The following GALNT13 variants were observed in gnomAD, a reference collection of about 807,000 sequenced individuals.
GALNT13 encodes UDP-GalNAc:polypeptide N-acetylgalactosaminyltransferase 13.
GALNT13 carries 28 observed loss-of-function variants against 64.2 expected under a neutral mutation model. The ratio of observed to expected loss-of-function variants is 0.44; its 90% CI spans 0.32 to 0.60. The LOEUF (loss-of-function observed/expected upper bound fraction) is 0.60, where lower values mean the gene tolerates loss of function less well. Among genes scored for constraint, GALNT13 ranks in the 20% least tolerant of loss-of-function variants. GALNT13 has a pLI of 0.05. For missense variants in GALNT13, 577 were observed against 669.8 expected (o/e 0.86, Z 1.53); for synonymous variants, 214 against 224.6 (o/e 0.95, Z 0.42).
the GALNT13 span, among the ~76,000 whole-genome samples, chr2:153,413,500 T>C: frequency 5.3e-5 from 8 of 152,196 alleles, no homozygotes; most frequent in Non-Finnish European, 1.2e-4. Flanking sequence ...ATATCCATAT[T>C]TCCTATTTAG....
the GALNT13 span, among the ~76,000 whole-genome samples, chr2:153,115,577 T>C: frequency 1.3e-5 from 2 of 152,176 alleles, no homozygotes; most frequent in Non-Finnish European, 2.9e-5. Context: ...AAAATATATA[T>C]AGAATCAGAA....
chr2:153,295,017 T>G, the GALNT13 span, among the ~76,000 whole-genome samples: 1 of 152,154 alleles, frequency 6.6e-6, no homozygotes, highest in Admixed American at 6.6e-5. Flanking sequence ...GCATCTGAAA[T>G]TTTCCTAACC....
chr2:154,239,449 T>A (rs1210581792), intron 4 of GALNT13, among the ~76,000 whole-genome samples: 1 of 152,124 alleles, frequency 6.6e-6, no homozygotes, highest in Non-Finnish European at 1.5e-5. Context: ...ACCTTACTCT[T>A]GGCTTTGCAT....
the GALNT13 span, among the ~76,000 whole-genome samples, chr2:153,509,213 C>A: frequency 6.6e-6 from 1 of 152,222 alleles, no homozygotes; most frequent in Non-Finnish European, 1.5e-5. Context: ...ACAGGAGCTT[C>A]CAGGGTCCCT....
the GALNT13 span, among the ~76,000 whole-genome samples, chr2:153,853,631 T>C: frequency 6.6e-6 from 1 of 151,452 alleles, no homozygotes; most frequent in Non-Finnish European, 1.5e-5. Context: ...TTATGCTGAG[T>C]AAAATAGGTT....
the GALNT13 span, among the ~76,000 whole-genome samples, chr2:153,838,546 T>G: frequency 6.6e-6 from 1 of 151,996 alleles, no homozygotes; most frequent in Non-Finnish European, 1.5e-5. Context: ...TTTTGATGCC[T>G]TCATTGAAGA....
chr2:153,977,396 CA>C (rs1462098603), intron 3 of GALNT13, among the ~76,000 whole-genome samples: 1 of 152,078 alleles, frequency 6.6e-6, no homozygotes, highest in Non-Finnish European at 1.5e-5. Flanking sequence ...AACTTTAAAG[CA>C]GAAAGGGAAG....
At chr2:153,792,340 T>C in the GALNT13 span, among the ~76,000 whole-genome samples, 5 of 152,142 alleles carry the variant, frequency 3.3e-5, no homozygotes, top group African/African-American at 4.8e-5. Flanking sequence ...ACTATTTATA[T>C]AGGATTTACA....
At chr2:154,199,176 T>C (rs1040585066) in intron 4 of GALNT13, among the ~76,000 whole-genome samples, 18 of 152,012 alleles carry the variant, frequency 1.2e-4, no homozygotes, top group African/African-American at 3.9e-4. Context: ...CATCATGGTA[T>C]GTTTAGAAAA....
chr2:153,805,010 CAA>C, the GALNT13 span, among the ~76,000 whole-genome samples: 2 of 151,578 alleles, frequency 1.3e-5, no homozygotes, highest in Non-Finnish European at 2.9e-5. Context: ...AAATAAAACA[CAA>C]GAGTAAATGA....
chr2:153,767,243 G>A, the GALNT13 span, among the ~76,000 whole-genome samples: 1 of 152,018 alleles, frequency 6.6e-6, no homozygotes, highest in South Asian at 2.1e-4. Flanking sequence ...TTAGAATAAT[G>A]GCCTCTAGCT....
chr2:153,665,779 C>G, the GALNT13 span, among the ~76,000 whole-genome samples: 1 of 152,176 alleles, frequency 6.6e-6, no homozygotes, highest in Middle Eastern at 3.4e-3. Flanking sequence ...GCATGGAACT[C>G]TGGAATCCTA....
intron 9 of GALNT13, among the ~76,000 whole-genome samples, chr2:154,316,620 A>T (rs1694331990): frequency 1.3e-5 from 2 of 152,188 alleles, no homozygotes; most frequent in Admixed American, 1.3e-4. Flanking sequence ...TGGGAAGTCC[A>T]AAAGCATAGT....
chr2:154,191,929 G>A (rs1686607019), intron 4 of GALNT13, among the ~76,000 whole-genome samples: 1 of 152,170 alleles, frequency 6.6e-6, no homozygotes, highest in South Asian at 2.1e-4. Context: ...TGTATCCCAG[G>A]GTTTCTTGCC....
At chr2:153,539,643 A>G in the GALNT13 span, among the ~76,000 whole-genome samples, 1 of 151,640 alleles carries the variant, frequency 6.6e-6, no homozygotes, top group Non-Finnish European at 1.5e-5. Context: ...CATTTATTAA[A>G]TAGGGAATCC....
chr2:153,596,830 C>A, the GALNT13 span, among the ~76,000 whole-genome samples: 39,953 of 151,756 alleles, frequency 0.26, 5,639 homozygotes, highest in South Asian at 0.42. Context: ...AAAATAATAA[C>A]ATTCTATTTC....
intron 1 of GALNT13, among the ~76,000 whole-genome samples, chr2:153,892,604 ATT>A (rs992322628): frequency 6.6e-6 from 1 of 152,122 alleles, no homozygotes; most frequent in Admixed American, 6.6e-5. Context: ...CTAGAAATTT[ATT>A]TTTACAGTGT....
At chr2:153,093,154 T>G in the GALNT13 span, among the ~76,000 whole-genome samples, 5 of 152,238 alleles carry the variant, frequency 3.3e-5, no homozygotes, top group African/African-American at 1.2e-4. Context: ...TGTACCACAT[T>G]GATTACATGT....
At chr2:154,069,782 G>A (rs1203195514) in intron 3 of GALNT13, among the ~76,000 whole-genome samples, 1 of 151,944 alleles carries the variant, frequency 6.6e-6, no homozygotes, top group Non-Finnish European at 1.5e-5. Context: ...AAAGGATAAT[G>A]TTTACATGAA....
Sources: gnomAD v4.1 joint callset for allele counts (sites outside exome capture counted in the v4.1 genomes callset) on GRCh38, gnomAD v4.1.1 for gene constraint, MANE v1.5 for transcripts, NCBI Gene and HGNC (gene_info 2026-07-23, HGNC 2026-07-21) for gene names.